TACSTD2: variants seen among roughly 807,000 people sequenced by gnomAD.
TACSTD2 encodes the protein tumor associated calcium signal transducer 2, also known as tumor-associated calcium signal transducer 2.
TACSTD2 carries 6 observed loss-of-function variants against 7.9 expected under a neutral mutation model. The observed-to-expected ratio is 0.76, with a 90% confidence interval of 0.42 to 1.50. TACSTD2 has a LOEUF of 1.50. Ranked by LOEUF, TACSTD2 falls within the 40% of genes most tolerant of loss-of-function variation. The pLI is 0.01. For synonymous variants in TACSTD2, 220 were observed against 225.5 expected, an observed-to-expected ratio of 0.98 and a Z score of 0.22; for missense variants, 511 against 471.2, an observed-to-expected ratio of 1.08 and a Z score of -0.78.
rs1449172434 is a variant in TACSTD2, at chr1:58,576,643, G to A, written c.514C>T (p.Leu172=). Residue 172 remains leucine (L), a synonymous_variant, in exon 1 of 1, where the codon CTG becomes TTG. Transcript: ENST00000371225. The stretch of plus-strand genomic sequence containing the variant: ...AAGAGCCGCCTCAGCTCGGCGTCCA[G>A]GTCTGAGTGGTTGAAGGCGCCGGCG... ...PTAGAFNHSD[L]DAELRRLFRE... 2 of 1,608,008 alleles carry A rather than the reference G, an allele frequency of 1.2e-6. No homozygotes were observed. The highest frequency in any genetic ancestry group is 1.7e-5 in the Admixed American group (1 of 59,898).
At position 58,576,425 on chromosome 1, in the gene TACSTD2, C is replaced by T. The variant is rs764768337; in HGVS notation, c.732G>A (p.Leu244=). The T allele has an allele frequency of 6.2e-7, 1 of 1,613,852 alleles. No individual in the cohort carries two copies. The highest frequency in any genetic ancestry group is 8.5e-7 in the Non-Finnish European group (1 of 1,179,918). ...SLFQGRGGLD[L]RVRGEPLQVE... ...CCTGCAGGGGTTCTCCGCGCACGCG[C>T]AAGTCCAGGCCGCCGCGGCCCTGGA... Residue 244 remains leucine (L), a synonymous_variant, in exon 1 of 1, where the codon TTG becomes TTA. Transcript: ENST00000371225.
Position 58,576,878 on chromosome 1 carries a change from A to T in TACSTD2, c.279T>A (p.Ser93Arg). 1 of 1,590,886 alleles carries T rather than the reference A, an allele frequency of 6.3e-7. No homozygotes were observed. Residue 93 changes from serine (S) to arginine (R), a missense_variant, in exon 1 of 1, where the codon AGT (serine) becomes AGA (arginine). Coordinates refer to ENST00000371225, the MANE Select transcript of TACSTD2 (RefSeq NM_002353.3). ...PKNARTLVRP[S>R]EHALVDNDGL... ...CATCGTTGTCCACGAGCGCGTGCTC[A>T]CTCGGCCGCACCAGCGTGCGGGCGT...
Position 58,577,158 on chromosome 1 carries a change from G to T in TACSTD2, c.-2C>A. 7.3e-7 allele frequency: 1 copy of T among 1,366,664 alleles called. No individual in the cohort carries two copies. Among genetic ancestry groups the T allele is most frequent in the Admixed American group, 4.0e-5 (1 of 25,286 alleles). 84.7% of individuals were successfully genotyped at this position (1,366,664 alleles called of 1,614,324 possible). On this transcript the variant is annotated 5_prime_UTR_variant, in exon 1 of 1. Coordinates refer to ENST00000371225, the MANE Select transcript of TACSTD2 (RefSeq NM_002353.3). ...CGCGAGGCCGGGGCCCCGAGCCATG[G>T]TGGGGCGGAGGAACGCGGACCGGAC...
rs12121124 is a variant in TACSTD2 at position 58,576,329 on chromosome 1, G to A, written c.828C>T (p.Gly276=). 78,770 of 1,613,026 alleles carry A rather than the reference G, an allele frequency of 0.049. 2,160 individuals carry two copies. Among genetic ancestry groups the A allele is most frequent in the Non-Finnish European group, 0.057 (67,407 of 1,179,478 alleles). The part of the protein sequence containing the change: ...PKFSMKRLTA[G]LIAVIVVVVV... The stretch of plus-strand genomic sequence containing the variant: ...CGACCACCACGATGACGGCGATGAG[G>A]CCGGCGGTGAGGCGCTTCATGGAGA... The change falls in exon 1 of 1, where the codon GGC becomes GGT. Residue 276 remains glycine (G), a synonymous_variant. Transcript: ENST00000371225.
rs752058979 is a variant in TACSTD2 at position 58,576,620 on chromosome 1, G to A, written c.537C>T (p.Leu179=). ...GGTGCAGCCGATAGCGCTCGCGGAA[G>A]AGCCGCCTCAGCTCGGCGTCCAGGT... ...HSDLDAELRR[L]FRERYRLHPK... Residue 179 remains leucine (L), a synonymous_variant, in exon 1 of 1, where the codon CTC becomes CTT. Coordinates refer to ENST00000371225, the MANE Select transcript of TACSTD2 (RefSeq NM_002353.3). 4 of 1,611,396 alleles carry A rather than the reference G, an allele frequency of 2.5e-6. No individual in the cohort carries two copies. The Admixed American group carries it at 5.0e-5, about 20-fold the overall frequency.
rs558766293 is a variant in TACSTD2, at chr1:58,577,099, C to G, written c.58G>C (p.Val20Leu). 53 of 1,453,784 alleles carry G rather than the reference C, an allele frequency of 3.6e-5. No homozygotes were observed. The highest frequency in any genetic ancestry group is 4.5e-5 in the African/African-American group (3 of 67,012). 90.1% of individuals were successfully genotyped at this position (1,453,784 alleles called of 1,614,324 possible). A position where few individuals can be genotyped will look rare whatever the true frequency, so the allele number is the denominator to read the frequency against. Residue 20 changes from valine (V) to leucine (L), a missense_variant, in exon 1 of 1, where the codon GTG becomes CTG. Transcript: ENST00000371225. ...PPLRLPLLLL[V>L]LAAVTGHTAA... ...GTGTGGCCGGTCACCGCCGCCAGCA[C>G]CAGCAGCAGCAGCGGCAGCCGCAGC... is the stretch of plus-strand genomic sequence containing the variant.
Position 58,576,496 on chromosome 1 carries a change from C to G in TACSTD2, c.661G>C (p.Asp221His). 2 of 1,613,272 alleles carry G rather than the reference C, an allele frequency of 1.2e-6. No homozygotes were observed. Among genetic ancestry groups the G allele is most frequent in the Non-Finnish European group, 1.7e-6 (2 of 1,179,756 alleles). The change falls in exon 1 of 1, where the codon GAT becomes CAT. Residue 221 changes from aspartate (D) to histidine (H), a missense_variant. Asp to His is a moderately conservative substitution (Grantham distance 81). Coordinates refer to ENST00000371225, the MANE Select transcript of TACSTD2 (RefSeq NM_002353.3). Reference sequence around the variant, plus strand: ...TCCCTCTCGAAGTAGTAGGCGGCATCGCCGATATCCACGTCACCGGCGGCC... The same window carrying G: ...TCCCTCTCGAAGTAGTAGGCGGCATGGCCGATATCCACGTCACCGGCGGCC... ...QKAAGDVDIG[D>H]AAYYFERDIK...
chr1:58,575,912 C>CCCTT lies in TACSTD2; in HGVS notation c.*269_*272dup. The CCCTT allele has an allele frequency of 2.0e-6, 1 of 503,704 alleles. No individual in the cohort carries two copies. 31.2% of individuals were successfully genotyped at this position (503,704 alleles called of 1,614,324 possible). ...TTTTTTACACATAACGCTATGCCAT[C>CCCTT]CCTTCCTTCACTGCCCCAGTCAGGT... On this transcript the variant is annotated 3_prime_UTR_variant, in exon 1 of 1. Coordinates refer to ENST00000371225, the MANE Select transcript of TACSTD2 (RefSeq NM_002353.3).
Position 58,576,025 on chromosome 1 carries a change from A to T in TACSTD2, c.*160T>A, listed in dbSNP as rs1646877723. The T allele has an allele frequency of 3.7e-6, 3 of 821,302 alleles. No individual in the cohort carries two copies. The highest frequency in any genetic ancestry group is 3.7e-5 in the South Asian group (2 of 54,180). 50.9% of individuals were successfully genotyped at this position (821,302 alleles called of 1,614,324 possible). A position where few individuals can be genotyped will look rare whatever the true frequency, so the allele number is the denominator to read the frequency against. ...AAAGAAAGGAGACCCTGAGGCCAGG[A>T]TCTATTAAACCTGGTGTGTGCGCAA... On this transcript the variant is annotated 3_prime_UTR_variant, in exon 1 of 1. Transcript: ENST00000371225.
chr1:58,575,870 T>C lies in TACSTD2; in HGVS notation c.*315A>G. 1 of 341,182 alleles carries C rather than the reference T, an allele frequency of 2.9e-6. No homozygotes were observed. The highest frequency in any genetic ancestry group is 5.4e-6 in the Non-Finnish European group (1 of 185,960). The allele number at this position is 341,182 out of a possible 1,614,324, so 21.1% of individuals were successfully genotyped here. A position where few individuals can be genotyped will look rare whatever the true frequency, so the allele number is the denominator to read the frequency against. ...CAGTTACTTGCAAACGATCCCGGGT[T>C]GTCATACAGATACTTGTTTTTTACA... is the stretch of plus-strand genomic sequence containing the variant. On this transcript the variant is annotated 3_prime_UTR_variant, in exon 1 of 1. Coordinates refer to ENST00000371225, the MANE Select transcript of TACSTD2 (RefSeq NM_002353.3).
chr1:58,576,277 C>T lies in TACSTD2; in HGVS notation c.880G>A (p.Val294Ile), dbSNP rs778830562. The T allele has an allele frequency of 4.3e-6, 7 of 1,613,572 alleles. No individual in the cohort carries two copies. The highest frequency in any genetic ancestry group is 3.3e-4 in the Middle Eastern group (2 of 6,082). Residue 294 changes from valine to isoleucine, a missense_variant, in exon 1 of 1, where the codon GTC becomes ATC. Transcript: ENST00000371225. ...VVVALVAGMAVLVITNRRKSG... is the reference protein window; with the variant it reads ...VVVALVAGMAILVITNRRKSG... ...TTTCTCCGGTTGGTGATCACCAGGACGGCCATGCCGGCGACGAGGGCCACC... is the reference window on the plus strand; with the variant it reads ...TTTCTCCGGTTGGTGATCACCAGGATGGCCATGCCGGCGACGAGGGCCACC...
At position 58,576,178 on chromosome 1, in the gene TACSTD2, C is replaced by T. The variant is rs202128097; in HGVS notation, c.*7G>A. 6.6e-5 allele frequency: 106 copies of T among 1,613,492 alleles called. No individual in the cohort carries two copies. In the African/African-American group the frequency reaches 1.3e-3, roughly 20 times the overall value. ...TACCCCACCCCATCCCCTGCCCCGC[C>T]GGGTACCTACAAGCTCGGTTCCTTT... On this transcript the variant is annotated 3_prime_UTR_variant, in exon 1 of 1. Transcript: ENST00000371225.
Position 58,576,801 on chromosome 1 carries a change from C to T in TACSTD2, c.356G>A (p.Cys119Tyr), listed in dbSNP as rs1395645534. Residue 119 changes from cysteine (C) to tyrosine (Y), a missense_variant, in exon 1 of 1, where the codon TGC becomes TAC. Cys to Tyr is a radical substitution (Grantham distance 194). Coordinates refer to ENST00000371225, the MANE Select transcript of TACSTD2 (RefSeq NM_002353.3). The part of the protein sequence containing the change: ...DPEGRFKARQ[C>Y]NQTSVCWCVN... The stretch of plus-strand genomic sequence containing the variant: ...GCACCAGCACACCGACGTCTGGTTG[C>T]ACTGGCGCGCCTTGAAGCGGCCCTC... 6.3e-7 allele frequency: 1 copy of T among 1,597,360 alleles called. No homozygotes were observed. Among genetic ancestry groups the T allele is most frequent in the Admixed American group, 1.7e-5 (1 of 59,478 alleles).
chr1:58,576,500 G>T lies in TACSTD2; in HGVS notation c.657C>A (p.Ile219=), dbSNP rs1319583077. 3.1e-6 allele frequency: 5 copies of T among 1,613,106 alleles called. No homozygotes were observed. The highest frequency in any genetic ancestry group is 4.2e-6 in the Non-Finnish European group (5 of 1,179,700). Residue 219 remains isoleucine, a synonymous_variant, in exon 1 of 1, where the codon ATC becomes ATA. Coordinates refer to ENST00000371225, the MANE Select transcript of TACSTD2 (RefSeq NM_002353.3). ...TSQKAAGDVD[I]GDAAYYFERD... ...TCTCGAAGTAGTAGGCGGCATCGCC[G>T]ATATCCACGTCACCGGCGGCCTTCT...
chr1:58,576,306 A>G lies in TACSTD2; in HGVS notation c.851T>C (p.Val284Ala), dbSNP rs1300567657. ...CATGCCGGCGACGAGGGCCACCACGACCACCACGATGACGGCGATGAGGCC... is the reference window on the plus strand; with the variant it reads ...CATGCCGGCGACGAGGGCCACCACGGCCACCACGATGACGGCGATGAGGCC... ...TAGLIAVIVV[V>A]VVALVAGMAV... Residue 284 changes from valine (V) to alanine (A), a missense_variant, in exon 1 of 1, where the codon GTC becomes GCC. Coordinates refer to ENST00000371225, the MANE Select transcript of TACSTD2 (RefSeq NM_002353.3). 6.2e-7 allele frequency: 1 copy of G among 1,613,278 alleles called. No individual in the cohort carries two copies. Among genetic ancestry groups the G allele is most frequent in the African/African-American group, 1.3e-5 (1 of 74,918 alleles).
rs1646891725 is a variant in TACSTD2 at position 58,577,207 on chromosome 1, T to C, written c.-51A>G. The C allele has an allele frequency of 1.5e-6, 2 of 1,323,266 alleles. No individual in the cohort carries two copies. Among genetic ancestry groups the C allele is most frequent in the Non-Finnish European group, 1.9e-6 (2 of 1,043,402 alleles). The allele number at this position is 1,323,266 out of a possible 1,614,324, so 82.0% of individuals were successfully genotyped here. A position where few individuals can be genotyped will look rare whatever the true frequency, so the allele number is the denominator to read the frequency against. On this transcript the variant is annotated 5_prime_UTR_variant, in exon 1 of 1. Transcript: ENST00000371225. ...ACGCGGGCGGATGAGGCGCGGGGAC[T>C]CGTCGGGGCTCGGGCTCCGGCGTCT...
Position 58,577,029 on chromosome 1 carries a change from A to T in TACSTD2, c.128T>A (p.Val43Glu). The T allele has an allele frequency of 1.3e-6, 2 of 1,550,530 alleles. No individual in the cohort carries two copies. The highest frequency in any genetic ancestry group is 1.2e-5 in the South Asian group (1 of 84,862). ...GCCGCCGGGGCCGTCGGGGCTGCAC[A>T]CGGTCATCTTGTTGGTGGGACACGT... is the stretch of plus-strand genomic sequence containing the variant. ...NCTCPTNKMT[V>E]CSPDGPGGRC... Residue 43 changes from valine (V) to glutamate (E), a missense_variant, in exon 1 of 1, where the codon GTG becomes GAG. Val to Glu is a moderately radical substitution (Grantham distance 121, BLOSUM62 -2). Transcript: ENST00000371225.
Position 58,576,106 on chromosome 1 carries a change from A to T in TACSTD2, c.*79T>A, listed in dbSNP as rs1646878176. On this transcript the variant is annotated 3_prime_UTR_variant, in exon 1 of 1. Coordinates refer to ENST00000371225, the MANE Select transcript of TACSTD2 (RefSeq NM_002353.3). ...ATAAACGTCTCCTTTGCGCCGAGGA[A>T]TCAGGAAGCGTGACTCACTTGGGTC... 5.9e-6 allele frequency: 9 copies of T among 1,526,054 alleles called. No homozygotes were observed. Among genetic ancestry groups the T allele is most frequent in the Non-Finnish European group, 8.0e-6 (9 of 1,131,968 alleles). 94.5% of individuals were successfully genotyped at this position (1,526,054 alleles called of 1,614,324 possible). A position where few individuals can be genotyped will look rare whatever the true frequency, so the allele number is the denominator to read the frequency against.
At position 58,575,504 on chromosome 1, in the gene TACSTD2, A is replaced by G. The variant is rs879198185; in HGVS notation, c.*681T>C. ...ACAGCAACATTATCAAAGACAACAT[A>G]TGTACAAACATTTTACAAAAAAGAA... On this transcript the variant is annotated 3_prime_UTR_variant, in exon 1 of 1. Transcript: ENST00000371225. 6.6e-6 allele frequency: 1 copy of G among 152,188 alleles called. No individual in the cohort carries two copies. Among genetic ancestry groups the G allele is most frequent in the Admixed American group, 6.5e-5 (1 of 15,270 alleles). 9.4% of individuals were successfully genotyped at this position (152,188 alleles called of 1,614,324 possible).
Sources: gnomAD v4.1 joint callset for allele counts on GRCh38, gnomAD v4.1.1 for gene constraint, MANE v1.5 for transcripts, NCBI Gene and HGNC (gene_info 2026-07-23, HGNC 2026-07-21) for gene names.